Variants in PRR11 observed in about 807,000 individuals in gnomAD.
PRR11 encodes the protein proline-rich protein 11.
PRR11 carries 30 observed loss-of-function variants against 45.6 expected under a neutral mutation model. The observed-to-expected ratio is 0.66, with a 90% CI of 0.49 to 0.89. PRR11 has a LOEUF of 0.89. PRR11 is among the 40% of genes least tolerant of loss of function. The probability of loss-of-function intolerance (pLI) is 0.00; values close to 1 mark genes in which losing one functional copy is unlikely to be tolerated. For missense variants in PRR11, 373 were observed against 424.8 expected (o/e 0.88, Z 1.07); for synonymous variants, 128 against 153.5 (o/e 0.83, Z 1.23).
rs1417210838 is a variant in PRR11, at chr17:59,166,064, T to G, written c.-5-3684T>G. ...CTGTCAATATATGCACTGCCACTAT[T>G]TGCCATTAGGGGTGCCCTCTGCAAA... On this transcript the variant is annotated intron_variant, in intron 1 of 9. Coordinates refer to ENST00000262293, the MANE Select transcript of PRR11 (RefSeq NM_018304.4). 2.0e-5 allele frequency among the ~76,000 whole-genome samples: 3 copies of G among 152,196 alleles called. No homozygotes were observed. The East Asian group carries it at 5.8e-4, about 29-fold the overall frequency.
chr17:59,200,815 A>C (rs2147857954), intron 9 of PRR11, among the ~76,000 whole-genome samples: 1 of 149,126 alleles, frequency 6.7e-6, no homozygotes, highest in South Asian at 2.1e-4. Context: ...TTTATAGACG[A>C]AGTCTCACTA....
chr17:59,185,560 A>T lies in PRR11; in HGVS notation c.400A>T (p.Lys134Ter), dbSNP rs765355234. ...SKLCKLQEAL[K>*]TISESSSCPS... ...ATTATGCAAGCTCCAGGAAGCACTGAAGGTTGGTATTGTCAAATAAAAAGC... is the reference window on the plus strand; with the variant it reads ...ATTATGCAAGCTCCAGGAAGCACTGTAGGTTGGTATTGTCAAATAAAAAGC... The change falls in exon 4 of 10, where the codon AAG (lysine) becomes TAG (stop). Residue 134 changes from lysine (K) to a stop codon, truncating the protein, a stop_gained and splice_region_variant. Coordinates refer to ENST00000262293, the MANE Select transcript of PRR11 (RefSeq NM_018304.4). LOFTEE classifies it high-confidence loss of function. 6 of 1,601,476 alleles carry T rather than the reference A, an allele frequency of 3.7e-6. No individual in the cohort carries two copies. Among genetic ancestry groups the T allele is most frequent in the African/African-American group, 2.7e-5 (2 of 73,778 alleles).
Position 59,204,058 on chromosome 17 carries a change from T to C in PRR11, c.*2427T>C, listed in dbSNP as rs2046906035. ...ACCACTGTGTACTCTATTCATTTAATGCTAAATGACTTGACCATTCTTGTG... is the reference window on the plus strand; with the variant it reads ...ACCACTGTGTACTCTATTCATTTAACGCTAAATGACTTGACCATTCTTGTG... On this transcript the variant is annotated 3_prime_UTR_variant, in exon 10 of 10. Coordinates refer to ENST00000262293, the MANE Select transcript of PRR11 (RefSeq NM_018304.4). 1 of 152,070 alleles carries C rather than the reference T, an allele frequency of 6.6e-6. No homozygotes were observed. Among genetic ancestry groups the C allele is most frequent in the Admixed American group, 6.6e-5 (1 of 15,236 alleles). The allele number at this position is 152,070 out of a possible 1,614,324, so 9.4% of individuals were successfully genotyped here.
intron 2 of PRR11, among the ~76,000 whole-genome samples, chr17:59,172,196 T>C (rs1354498237): frequency 6.6e-6 from 1 of 152,216 alleles, no homozygotes; most frequent in Admixed American, 6.5e-5. Context: ...CAAATGCTCT[T>C]GGACTGTGGC....
intron 4 of PRR11, among the ~76,000 whole-genome samples, chr17:59,189,370 G>A (rs2147851849): frequency 6.6e-6 from 1 of 152,108 alleles, no homozygotes; most frequent in East Asian, 1.9e-4. Context: ...GTACCGCTCT[G>A]TCGCCCAGGC....
chr17:59,178,968 G>A (rs756800864), intron 2 of PRR11, among the ~76,000 whole-genome samples: 13 of 152,082 alleles, frequency 8.5e-5, no homozygotes, highest in Non-Finnish European at 1.2e-4. Context: ...AGCTGAAGCC[G>A]CTTTCTTTGA....
chr17:59,168,805 G>A (rs1326999223), intron 1 of PRR11, among the ~76,000 whole-genome samples: 4 of 152,190 alleles, frequency 2.6e-5, no homozygotes, highest in Non-Finnish European at 5.9e-5. Flanking sequence ...CAGCGTATTA[G>A]AAAGAACATG....
chr17:59,186,355 GAAA>G (rs1217825279), intron 4 of PRR11, among the ~76,000 whole-genome samples: 1 of 133,352 alleles, frequency 7.5e-6, no homozygotes, highest in Non-Finnish European at 1.6e-5. Flanking sequence ...CAGAAGATCT[GAAA>G]AAAATTTTGC....
At position 59,206,463 on chromosome 17, in the gene PRR11, T is replaced by C. The variant is rs531290708; in HGVS notation, c.*4832T>C. Among the ~76,000 whole-genome samples, 12 of 152,220 alleles carry C rather than the reference T, an allele frequency of 7.9e-5. No homozygotes were observed. Among genetic ancestry groups the C allele is most frequent in the Non-Finnish European group, 1.6e-4 (11 of 68,046 alleles). On this transcript the variant is annotated 3_prime_UTR_variant, in exon 10 of 10. Coordinates refer to ENST00000262293, the MANE Select transcript of PRR11 (RefSeq NM_018304.4). Reference sequence around the variant, plus strand: ...TATAGACAAACATTTGCAAAGCTGCTACTGCCATTGTACCAGTGTTAAAAT... The same window carrying C: ...TATAGACAAACATTTGCAAAGCTGCCACTGCCATTGTACCAGTGTTAAAAT...
intron 4 of PRR11, among the ~76,000 whole-genome samples, chr17:59,192,908 AT>A (rs2046845866): frequency 6.6e-6 from 1 of 152,010 alleles, no homozygotes. Context: ...TGTATTAAGT[AT>A]TTTTTTCCTC....
At chr17:59,187,495 G>A (rs568505984) in intron 4 of PRR11, among the ~76,000 whole-genome samples, 8 of 152,096 alleles carry the variant, frequency 5.3e-5, no homozygotes, top group Admixed American at 6.5e-5. Flanking sequence ...GCTTGAACCC[G>A]GGAGGCAGAG....
rs1419164878 is a variant in PRR11 at position 59,166,243 on chromosome 17, TA to T, written c.-5-3502del. ...ACAAAAGTGGAATGAATGTGTATTTTAAAGGCCAATTGTTCCCATTCAAATC... is the reference window on the plus strand; with the variant it reads ...ACAAAAGTGGAATGAATGTGTATTTTAAGGCCAATTGTTCCCATTCAAATC... On this transcript the variant is annotated intron_variant, in intron 1 of 9. Coordinates refer to ENST00000262293, the MANE Select transcript of PRR11 (RefSeq NM_018304.4). Among the ~76,000 whole-genome samples the T allele has an allele frequency of 1.3e-5, 2 of 152,210 alleles. 1 individual carries two copies. Among genetic ancestry groups the T allele is most frequent in the Non-Finnish European group, 2.9e-5 (2 of 68,044 alleles).
intron 9 of PRR11, 130 bp downstream of exon 9, chr17:59,197,919 A>G (rs528059020): frequency 1.1e-5 from 8 of 751,474 alleles, no homozygotes; most frequent in South Asian, 1.7e-5. Context: ...TAGCAGTTCA[A>G]GATGGGCAAC....
chr17:59,200,531 C>T (rs574541209), intron 9 of PRR11, among the ~76,000 whole-genome samples: 35 of 152,110 alleles, frequency 2.3e-4, no homozygotes, highest in African/African-American at 7.5e-4. Flanking sequence ...CTCGCTCTGT[C>T]GCCCAGGCTG....
rs1306040394 is a variant in PRR11 at position 59,205,559 on chromosome 17, G to A, written c.*3928G>A. Reference sequence around the variant, plus strand: ...TCTACTAAAAATACAAAAATTAGCCGGGCATAGTGGCAGACACCTGTAATC... The same window carrying A: ...TCTACTAAAAATACAAAAATTAGCCAGGCATAGTGGCAGACACCTGTAATC... On this transcript the variant is annotated 3_prime_UTR_variant, in exon 10 of 10. Coordinates refer to ENST00000262293, the MANE Select transcript of PRR11 (RefSeq NM_018304.4). Among the ~76,000 whole-genome samples the A allele has an allele frequency of 6.7e-5, 10 of 149,098 alleles. No homozygotes were observed. Among genetic ancestry groups the A allele is most frequent in the South Asian group, 4.3e-4 (2 of 4,646 alleles).
At chr17:59,195,281 G>T in intron 6 of PRR11, 50 bp from the exon 7 acceptor site, 1 of 1,401,204 alleles carries the variant, frequency 7.1e-7, no homozygotes, top group South Asian at 1.2e-5. Context: ...TTTACATTTT[G>T]AGTGATATTT....
chr17:59,169,571 A>G (rs1007394261), intron 1 of PRR11, among the ~76,000 whole-genome samples, 177 bp from the exon 2 acceptor site: 12 of 152,158 alleles, frequency 7.9e-5, no homozygotes, highest in African/African-American at 2.9e-4. Context: ...CTGTGTTTAC[A>G]TTTTCCCCTA....
At chr17:59,196,415 C>T (rs1046048764) in intron 7 of PRR11, among the ~76,000 whole-genome samples, 6 of 152,038 alleles carry the variant, frequency 3.9e-5, no homozygotes, top group South Asian at 2.1e-4. Flanking sequence ...CTTGCTCTGT[C>T]GCCCAGACTG....
rs149909686 is a variant in PRR11 at position 59,156,945 on chromosome 17, C to G, written c.-6+1140C>G. Among the ~76,000 whole-genome samples, 1,259 of 152,268 alleles carry G rather than the reference C, an allele frequency of 8.3e-3. 13 individuals are homozygous for G. Among genetic ancestry groups the G allele is most frequent in the South Asian group, 0.016 (76 of 4,826 alleles). ...CTCGGCCGCAAAGAACTTTTCATATCATTGGGTGGAGTTTTCACAGAAGCA... is the reference window on the plus strand; with the variant it reads ...CTCGGCCGCAAAGAACTTTTCATATGATTGGGTGGAGTTTTCACAGAAGCA... On this transcript the variant is annotated intron_variant, in intron 1 of 9. Transcript: ENST00000262293.
Sources: gnomAD v4.1 joint callset for allele counts (sites outside exome capture counted in the v4.1 genomes callset) on GRCh38, gnomAD v4.1.1 for gene constraint, MANE v1.5 for transcripts, NCBI Gene and HGNC (gene_info 2026-07-23, HGNC 2026-07-21) for gene names.